Variants in ADPRH observed in about 807,000 individuals in gnomAD.
ADPRH encodes ADP-ribose-L-arginine cleaving enzyme.
A neutral mutation model predicts 28.8 loss-of-function variants in ADPRH; 27 were observed. The ratio of observed to expected loss-of-function variants is 0.94; its 90% CI spans 0.69 to 1.29. The LOEUF is 1.29. Ranked by LOEUF, ADPRH falls within the 50% of genes most tolerant of loss-of-function variation. The pLI, the probability that ADPRH is intolerant of heterozygous loss-of-function variation, is 0.00. For synonymous variants in ADPRH, 161 were observed against 166.9 expected (o/e 0.96, Z 0.27); for missense variants, 419 against 444.8 (o/e 0.94, Z 0.52).
chr3:119,588,016 T>C lies in ADPRH; in HGVS notation c.*138T>C. 1.1e-6 allele frequency: 1 copy of C among 903,670 alleles called. No homozygotes were observed. The allele number at this position is 903,670 out of a possible 1,614,324, so 56.0% of individuals were successfully genotyped here. A position where few individuals can be genotyped will look rare whatever the true frequency, so the allele number is the denominator to read the frequency against. ...GAGATAACAAGTCCCTTGGGCACCTTAAGCTCAGTTTTTTCAGGCTCATCC... is the reference window on the plus strand; with the variant it reads ...GAGATAACAAGTCCCTTGGGCACCTCAAGCTCAGTTTTTTCAGGCTCATCC... On this transcript the variant is annotated 3_prime_UTR_variant, in exon 5 of 5. Coordinates refer to ENST00000357003, the MANE Select transcript of ADPRH (RefSeq NM_001125.4).
Position 119,586,607 on chromosome 3 carries a change from C to G in ADPRH, c.621C>G (p.Val207=), listed in dbSNP as rs1244183634. 1 of 1,614,108 alleles carries G rather than the reference C, an allele frequency of 6.2e-7. No homozygotes were observed. Among genetic ancestry groups the G allele is most frequent in the South Asian group, 1.1e-5 (1 of 91,074 alleles). Reference sequence around the variant, plus strand: ...TACCAGAAGCTAAAAAGTACATTGTCCAATCAGGCTACTTTGTAGAGGAAA... The same window carrying G: ...TACCAGAAGCTAAAAAGTACATTGTGCAATCAGGCTACTTTGTAGAGGAAA... The part of the protein sequence containing the change: ...ELLPEAKKYI[V]QSGYFVEENL... Residue 207 remains valine (V), a synonymous_variant, in exon 4 of 5, where the codon GTC becomes GTG. Transcript: ENST00000357003.
Position 119,582,126 on chromosome 3 carries a change from C to T in ADPRH, c.-36-8C>T, listed in dbSNP as rs781209289. The T allele has an allele frequency of 1.4e-6, 2 of 1,465,832 alleles. No individual in the cohort carries two copies. The highest frequency in any genetic ancestry group is 1.3e-5 in the South Asian group (1 of 77,674). The allele number at this position is 1,465,832 out of a possible 1,614,324, so 90.8% of individuals were successfully genotyped here. A position where few individuals can be genotyped will look rare whatever the true frequency, so the allele number is the denominator to read the frequency against. On this transcript the variant is annotated splice_polypyrimidine_tract_variant and splice_region_variant and intron_variant, in intron 2 of 4. Transcript: ENST00000357003. ...TCCTATTTCCTTTGTCTTAATTTCC[C>T]CACAAAGACACCCTCTCCAGAGCCC... is the stretch of plus-strand genomic sequence containing the variant.
At chr3:119,581,642 C>T (rs1407908573) in intron 2 of ADPRH, among the ~76,000 whole-genome samples, 2 of 152,186 alleles carry the variant, frequency 1.3e-5, no homozygotes, top group African/African-American at 4.8e-5. Flanking sequence ...GTAATCCCTC[C>T]CTATTAGTGA....
chr3:119,586,368 G>A lies in ADPRH; in HGVS notation c.382G>A (p.Gly128Ser), dbSNP rs777573670. 3.1e-6 allele frequency: 5 copies of A among 1,614,108 alleles called. No homozygotes were observed. The highest frequency in any genetic ancestry group is 2.7e-5 in the African/African-American group (2 of 74,940). ...GATTCCCTTCAACAGCCATGAGGGCGGCTGTGGGGCTGCCATGCGGGCCAT... is the reference window on the plus strand; with the variant it reads ...GATTCCCTTCAACAGCCATGAGGGCAGCTGTGGGGCTGCCATGCGGGCCAT... ...WRIPFNSHEGGCGAAMRAMCI... is the reference protein window; with the variant it reads ...WRIPFNSHEGSCGAAMRAMCI... Residue 128 changes from glycine (G) to serine (S), a missense_variant, in exon 4 of 5, where the codon GGC becomes AGC. Gly to Ser is a moderately conservative substitution (Grantham distance 56, BLOSUM62 0). Coordinates refer to ENST00000357003, the MANE Select transcript of ADPRH (RefSeq NM_001125.4).
At position 119,579,713 on chromosome 3, in the gene ADPRH, G is replaced by C. The variant is rs890859612; in HGVS notation, c.-261G>C. On this transcript the variant is annotated 5_prime_UTR_variant, in exon 1 of 5. Coordinates refer to ENST00000357003, the MANE Select transcript of ADPRH (RefSeq NM_001125.4). ...CCCTCGCCGCCACCCTGCTTATCTG[G>C]GGACAGTCCCGGAACCCGGTGACCC... The C allele has an allele frequency of 1.3e-5, 2 of 152,524 alleles. No individual in the cohort carries two copies. Among genetic ancestry groups the C allele is most frequent in the East Asian group, 3.8e-4 (2 of 5,212 alleles). 9.4% of individuals were successfully genotyped at this position (152,524 alleles called of 1,614,324 possible).
At chr3:119,579,917 C>G (rs1417125085) in intron 1 of ADPRH, 66 bp downstream of exon 1, 1 of 152,372 alleles carries the variant, frequency 6.6e-6, no homozygotes, top group Admixed American at 6.5e-5. Context: ...CCGAGTGTGG[C>G]CGACCATGAG....
intron 1 of ADPRH, chr3:119,580,240 G>A (rs1483173023): frequency 6.6e-6 from 1 of 152,234 alleles, no homozygotes; most frequent in African/African-American, 2.4e-5. Context: ...GGGAGGGTAT[G>A]GGGGGTTAAA....
Position 119,582,478 on chromosome 3 carries a change from C to T in ADPRH, c.298+11C>T. 6.2e-7 allele frequency: 1 copy of T among 1,606,682 alleles called. No individual in the cohort carries two copies. The highest frequency in any genetic ancestry group is 8.5e-7 in the Non-Finnish European group (1 of 1,174,472). ...ATGGGCGGGCACCAGGTGAGCACAG[C>T]CGGTGGGAGGTGCAAGGAGGGCAAA... On this transcript the variant is annotated intron_variant, in intron 3 of 4. Transcript: ENST00000357003.
rs1355478941 is a variant in ADPRH at position 119,589,205 on chromosome 3, G to A, written c.*1327G>A. ...CTTGTCATCACATCAATCCTGTTGT[G>A]TGGTGCTGTGTGTCTTCTGGGTCAG... is the stretch of plus-strand genomic sequence containing the variant. On this transcript the variant is annotated 3_prime_UTR_variant, in exon 5 of 5. Coordinates refer to ENST00000357003, the MANE Select transcript of ADPRH (RefSeq NM_001125.4). The A allele has an allele frequency of 2.0e-5, 3 of 152,266 alleles. No homozygotes were observed. Among genetic ancestry groups the A allele is most frequent in the African/African-American group, 4.8e-5 (2 of 41,450 alleles). The allele number at this position is 152,266 out of a possible 1,614,324, so 9.4% of individuals were successfully genotyped here.
intron 1 of ADPRH, chr3:119,580,248 A>G (rs1036436358): frequency 5.9e-5 from 9 of 152,206 alleles, no homozygotes; most frequent in Admixed American, 2.0e-4. Context: ...ATGGGGGGTT[A>G]AAGTTAGTCC....
intron 2 of ADPRH, among the ~76,000 whole-genome samples, 194 bp downstream of exon 2, chr3:119,580,830 G>A (rs2107758262): frequency 6.6e-6 from 1 of 152,276 alleles, no homozygotes. Flanking sequence ...CAACAGGGAA[G>A]CCAGCGCTTT....
rs1560066807 is a variant in ADPRH, at chr3:119,582,288, TG to T, written c.122del (p.Gly41AlafsTer6). 2 of 1,614,214 alleles carry T rather than the reference TG, an allele frequency of 1.2e-6. No individual in the cohort carries two copies. Among genetic ancestry groups the T allele is most frequent in the Admixed American group, 3.3e-5 (2 of 60,032 alleles). ...AAGATACACCGGCAGTTGGCCCAGCTGGGCGGCTTGGATGCCCTAGACGTGG... is the reference window on the plus strand; with the variant it reads ...AAGATACACCGGCAGTTGGCCCAGCTGGCGGCTTGGATGCCCTAGACGTGG... The part of the protein sequence containing the change: ...GEKIHRQLAQ[L>X]GGLDALDVGR... On this transcript the variant is annotated frameshift_variant, in exon 3 of 5. Transcript: ENST00000357003. LOFTEE classifies it high-confidence loss of function.
intron 3 of ADPRH, among the ~76,000 whole-genome samples, chr3:119,583,980 G>A (rs898081463): frequency 6.6e-6 from 1 of 151,662 alleles, no homozygotes; most frequent in Non-Finnish European, 1.5e-5. Context: ...GTTTCACCAT[G>A]TTGGCCAGGC....
chr3:119,580,941 A>G (rs937984936), intron 2 of ADPRH, among the ~76,000 whole-genome samples: 1 of 152,134 alleles, frequency 6.6e-6, no homozygotes, highest in Non-Finnish European at 1.5e-5. Context: ...ATTACTGTCG[A>G]AGGAAAGGTT....
At position 119,587,599 on chromosome 3, in the gene ADPRH, C is replaced by T; in HGVS notation, c.795C>T (p.Gly265=). Reference sequence around the variant, plus strand: ...TCTACACCTCCCTGAGCTACTCTGGCTGGGGTGGCAGCAGTGGGCACGATG... The same window carrying T: ...TCTACACCTCCCTGAGCTACTCTGGTTGGGGTGGCAGCAGTGGGCACGATG... The part of the protein sequence containing the change: ...DQFYTSLSYS[G]WGGSSGHDAP... The change falls in exon 5 of 5, where the codon GGC becomes GGT. Residue 265 remains glycine (G), a synonymous_variant. Transcript: ENST00000357003. The T allele has an allele frequency of 6.2e-7, 1 of 1,614,200 alleles. No homozygotes were observed. Among genetic ancestry groups the T allele is most frequent in the Non-Finnish European group, 8.5e-7 (1 of 1,180,018 alleles).
chr3:119,579,550 C>G lies in ADPRH; in HGVS notation c.-424C>G, dbSNP rs978184975. The G allele has an allele frequency of 6.6e-6, 1 of 152,290 alleles. No homozygotes were observed. The highest frequency in any genetic ancestry group is 2.4e-5 in the African/African-American group (1 of 41,478). The allele number at this position is 152,290 out of a possible 1,614,324, so 9.4% of individuals were successfully genotyped here. ...CACATTCCGGGCACCAGGCTCCGGG[C>G]TCTTCAGAGCATTTGGGGCGGGCGA... is the stretch of plus-strand genomic sequence containing the variant. On this transcript the variant is annotated 5_prime_UTR_variant, in exon 1 of 5. Coordinates refer to ENST00000357003, the MANE Select transcript of ADPRH (RefSeq NM_001125.4).
Position 119,582,144 on chromosome 3 carries a change from C to T in ADPRH, c.-26C>T. 1 of 1,571,772 alleles carries T rather than the reference C, an allele frequency of 6.4e-7. No homozygotes were observed. The highest frequency in any genetic ancestry group is 1.7e-4 in the Middle Eastern group (1 of 5,872). On this transcript the variant is annotated 5_prime_UTR_variant, in exon 3 of 5. Coordinates refer to ENST00000357003, the MANE Select transcript of ADPRH (RefSeq NM_001125.4). ...AATTTCCCCACAAAGACACCCTCTC[C>T]AGAGCCCAGCAATTGTGAGGGACTG...
chr3:119,586,474 AC>A lies in ADPRH; in HGVS notation c.490del (p.His164ThrfsTer20). 1 of 1,614,140 alleles carries A rather than the reference AC, an allele frequency of 6.2e-7. No individual in the cohort carries two copies. On this transcript the variant is annotated frameshift_variant, in exon 4 of 5. Transcript: ENST00000357003. LOFTEE classifies it high-confidence loss of function. ...QVSIESGRMT[H>X]HHPTGYLGAL... Reference sequence around the variant, plus strand: ...AGCATCGAGAGTGGTCGGATGACCCACCACCACCCAACAGGCTACCTGGGGG... The same window carrying A: ...AGCATCGAGAGTGGTCGGATGACCCACACCACCCAACAGGCTACCTGGGGG...
Position 119,582,311 on chromosome 3 carries a change from G to T in ADPRH, c.142G>T (p.Val48Leu), listed in dbSNP as rs753971252. 1.2e-6 allele frequency: 2 copies of T among 1,614,212 alleles called. No homozygotes were observed. Among genetic ancestry groups the T allele is most frequent in the Non-Finnish European group, 1.7e-6 (2 of 1,180,034 alleles). ...AQLGGLDALDVGRWRVSDDTV... is the reference protein window; with the variant it reads ...AQLGGLDALDLGRWRVSDDTV... ...GCTGGGCGGCTTGGATGCCCTAGAC[G>T]TGGGAAGGTGGAGAGTTAGTGACGA... Residue 48 changes from valine (V) to leucine (L), a missense_variant, in exon 3 of 5, where the codon GTG (valine) becomes TTG (leucine). By Grantham distance (32) the Val-to-Leu change is conservative (BLOSUM62 1). Coordinates refer to ENST00000357003, the MANE Select transcript of ADPRH (RefSeq NM_001125.4).
Sources: allele counts gnomAD v4.1 joint callset (sites outside exome capture counted in the v4.1 genomes callset), GRCh38; gene constraint gnomAD v4.1.1; transcripts MANE v1.5; gene names NCBI Gene and HGNC (gene_info 2026-07-23, HGNC 2026-07-21).